RGS6: variants seen among roughly 807,000 people sequenced by gnomAD.
RGS6 encodes the protein regulator of G-protein signaling 6.
In RGS6, 30 loss-of-function variants were observed where a neutral mutation model predicts 78.5. That is an observed-to-expected ratio of 0.38 (90% CI 0.29 to 0.52). RGS6 has a LOEUF of 0.52. RGS6 is among the 20% of genes least tolerant of loss of function. The probability of loss-of-function intolerance (pLI) is 0.85; values close to 1 mark genes in which losing one functional copy is unlikely to be tolerated. For synonymous variants in RGS6, 206 were observed against 206.0 expected, an observed-to-expected ratio of 1.00 and a Z score of 0.00; for missense variants, 495 against 609.7, an observed-to-expected ratio of 0.81 and a Z score of 1.98.
intron 2 of RGS6, among the ~76,000 whole-genome samples, chr14:72,052,867 G>A (rs958387058): frequency 6.6e-6 from 1 of 151,224 alleles, no homozygotes; most frequent in African/African-American, 2.4e-5. Context: ...GACCCCCAGA[G>A]GTTCTTCCAA....
intron 2 of RGS6, among the ~76,000 whole-genome samples, chr14:72,135,603 A>C (rs2096420507): frequency 6.6e-6 from 1 of 151,742 alleles, no homozygotes; most frequent in Non-Finnish European, 1.5e-5. Context: ...TTGTATTCTG[A>C]GTAGCCTAAT....
At chr14:71,939,375 C>T (rs1414233154) in intron 1 of RGS6, among the ~76,000 whole-genome samples, 2 of 152,170 alleles carry the variant, frequency 1.3e-5, no homozygotes, top group African/African-American at 4.8e-5. Context: ...AGTGTGTTTG[C>T]TACCTCTTGT....
intron 1 of RGS6, chr14:71,933,426 G>A (rs2088240475): frequency 6.6e-6 from 1 of 152,130 alleles, no homozygotes; most frequent in African/African-American, 2.4e-5. Flanking sequence ...AGGGGCGGGT[G>A]GGGAGGTTTG....
intron 2 of RGS6, among the ~76,000 whole-genome samples, chr14:71,971,191 C>T (rs1256032836): frequency 6.6e-6 from 1 of 152,162 alleles, no homozygotes; most frequent in Non-Finnish European, 1.5e-5. Context: ...AGTTCAACTC[C>T]TTTGCATGCT....
intron 2 of RGS6, among the ~76,000 whole-genome samples, chr14:72,102,698 C>T (rs1433509598): frequency 6.6e-6 from 1 of 151,964 alleles, no homozygotes; most frequent in Non-Finnish European, 1.5e-5. Context: ...CACACGTACA[C>T]AATGAAACAA....
At chr14:72,089,404 C>T (rs939899598) in intron 2 of RGS6, among the ~76,000 whole-genome samples, 2 of 152,186 alleles carry the variant, frequency 1.3e-5, no homozygotes, top group African/African-American at 4.8e-5. Context: ...GTGAATATTG[C>T]CAAAGGAAGT....
intron 2 of RGS6, among the ~76,000 whole-genome samples, chr14:72,236,876 C>T (rs1053923225): frequency 3.9e-5 from 6 of 152,160 alleles, no homozygotes; most frequent in East Asian, 1.9e-4. Context: ...CCCAGATGGG[C>T]GGCGGCCGGG....
chr14:72,203,815 TTCTTTC>T lies in RGS6; in HGVS notation c.85-148278_85-148273del, dbSNP rs1474164198. Among the ~76,000 whole-genome samples, 661 of 119,794 alleles carry T rather than the reference TTCTTTC, an allele frequency of 5.5e-3. 3 individuals carry two copies. The highest frequency in any genetic ancestry group is 0.02 in the African/African-American group (632 of 31,338). The allele number at this position is 119,794 out of a possible 152,430, so 78.6% of individuals were successfully genotyped here. On this transcript the variant is annotated intron_variant, in intron 2 of 17. Coordinates refer to ENST00000553525, the MANE Select transcript of RGS6 (RefSeq NM_001204424.2). ...CATTATTTGCTATTGTAACCTTTCT[TTCTTTC>T]TTTTTTTTTTTTTTTTTTTTTGAGA... is the stretch of plus-strand genomic sequence containing the variant.
At chr14:72,224,749 TG>T (rs1238120572) in intron 2 of RGS6, among the ~76,000 whole-genome samples, 1 of 152,044 alleles carries the variant, frequency 6.6e-6, no homozygotes, top group Non-Finnish European at 1.5e-5. Context: ...ATTTAATCTC[TG>T]GGGACTTAGA....
intron 2 of RGS6, among the ~76,000 whole-genome samples, chr14:72,269,165 C>T (rs927852591): frequency 6.6e-6 from 1 of 151,716 alleles, no homozygotes; most frequent in Non-Finnish European, 1.5e-5. Context: ...CTCCAAGCCT[C>T]CATCATCTCT....
chr14:72,556,419 G>A (rs1046176985), intron 17 of RGS6, among the ~76,000 whole-genome samples: 8 of 152,198 alleles, frequency 5.3e-5, no homozygotes, highest in East Asian at 1.9e-4. Context: ...ACTAGTTCCC[G>A]CTCTCAACAC....
chr14:72,034,847 AC>A (rs768230088), intron 2 of RGS6, among the ~76,000 whole-genome samples: 17 of 152,104 alleles, frequency 1.1e-4, no homozygotes, highest in Admixed American at 5.9e-4. Context: ...CTTTCCAGTT[AC>A]CATATTCCCC....
Position 72,518,541 on chromosome 14 carries a change from T to G in RGS6, c.1278+4T>G. 6.2e-7 allele frequency: 1 copy of G among 1,613,760 alleles called. No individual in the cohort carries two copies. The stretch of plus-strand genomic sequence containing the variant: ...ATATACATTTGAAGACGCCCAGGTT[T>G]GCTTATCTACTCAAGTGGTTGTCAT... On this transcript the variant is annotated splice_donor_region_variant and intron_variant, in intron 15 of 17. Coordinates refer to ENST00000553525, the MANE Select transcript of RGS6 (RefSeq NM_001204424.2).
the RGS6 span, chr14:72,619,360 C>T: frequency 6.5e-7 from 1 of 1,536,136 alleles, no homozygotes; most frequent in Non-Finnish European, 8.7e-7. Context: ...AGTGGCAGCT[C>T]CAGCTTCCTG....
chr14:72,350,506 C>G (rs1426399974), intron 2 of RGS6, among the ~76,000 whole-genome samples: 1 of 152,164 alleles, frequency 6.6e-6, no homozygotes, highest in African/African-American at 2.4e-5. Context: ...GCTATGTGAC[C>G]AGTTCTGGCC....
chr14:72,062,745 G>A (rs1357505663), intron 2 of RGS6, among the ~76,000 whole-genome samples: 1 of 152,176 alleles, frequency 6.6e-6, no homozygotes, highest in Non-Finnish European at 1.5e-5. Context: ...TGGACTTCAG[G>A]GGAAAGTTTA....
At chr14:71,970,462 A>T (rs1341332520) in intron 2 of RGS6, among the ~76,000 whole-genome samples, 2 of 152,186 alleles carry the variant, frequency 1.3e-5, no homozygotes, top group African/African-American at 4.8e-5. Context: ...CAGAAAGTAA[A>T]TGTCACACTA....
intron 2 of RGS6, among the ~76,000 whole-genome samples, chr14:72,065,233 A>G (rs140022670): frequency 2.6e-5 from 4 of 152,166 alleles, no homozygotes; most frequent in Admixed American, 2.6e-4. Flanking sequence ...TTCCTATTTT[A>G]TTTTGTTCAG....
intron 3 of RGS6, among the ~76,000 whole-genome samples, chr14:72,413,369 T>G (rs2093571808): frequency 1.3e-5 from 2 of 152,210 alleles, no homozygotes; most frequent in Non-Finnish European, 2.9e-5. Flanking sequence ...AAGTCTGTTT[T>G]ATCAGAGACT....
Sources: gnomAD v4.1 joint callset for allele counts (sites outside exome capture counted in the v4.1 genomes callset) on GRCh38, gnomAD v4.1.1 for gene constraint, MANE v1.5 for transcripts, NCBI Gene and HGNC (gene_info 2026-07-23, HGNC 2026-07-21) for gene names.